OPLAH: variants seen among roughly 807,000 people sequenced by gnomAD.
The protein encoded by OPLAH is 5-oxoprolinase, ATP-hydrolysing.
OPLAH carries 103 observed loss-of-function variants against 122.8 expected under a neutral mutation model. The observed-to-expected ratio is 0.84, with a 90% CI of 0.71 to 0.99. The LOEUF is 0.99. Ranked by LOEUF, OPLAH falls within the 50% of genes least tolerant of loss-of-function variation. OPLAH has a pLI of 0.00. For missense variants in OPLAH, 1,902 were observed against 1,836.5 expected, an observed-to-expected ratio of 1.04 and a Z score of -0.65; for synonymous variants, 875 against 796.0, an observed-to-expected ratio of 1.10 and a Z score of -1.67.
rs1835468753 is a variant in OPLAH at position 144,054,805 on chromosome 8, C to T, written c.2511+7G>A. The T allele has an allele frequency of 9.9e-6, 16 of 1,612,118 alleles. No individual in the cohort carries two copies. The highest frequency in any genetic ancestry group is 1.3e-5 in the African/African-American group (1 of 75,014). ...CCCAGCAGAGGCAGGCGGGCAGCACCCCTCACCGGTGTGATAACAGTCAGG... is the reference window on the plus strand; with the variant it reads ...CCCAGCAGAGGCAGGCGGGCAGCACTCCTCACCGGTGTGATAACAGTCAGG... On this transcript the variant is annotated splice_region_variant and intron_variant, in intron 18 of 26. Coordinates refer to ENST00000618853, the MANE Select transcript of OPLAH (RefSeq NM_017570.5).
chr8:144,057,599 C>T lies in OPLAH; in HGVS notation c.1271G>A (p.Arg424His), dbSNP rs781812234. Residue 424 changes from arginine (R) to histidine (H), a missense_variant, in exon 10 of 27, where the codon CGC (arginine) becomes CAC (histidine). Physicochemically the swap from Arg to His is conservative, Grantham distance 29 (BLOSUM62 0). Transcript: ENST00000618853. Reference protein sequence around the residue: ...ENQPLSPEASRKALEAVATEV... With the variant: ...ENQPLSPEASHKALEAVATEV... ...AGTGGCCACAGCCTCCAGGGCTTTG[C>T]GGGAGGCCTCAGGGGAAAGTGGTTG... is the stretch of plus-strand genomic sequence containing the variant. 73 of 1,585,042 alleles carry T rather than the reference C, an allele frequency of 4.6e-5. No individual in the cohort carries two copies. Among genetic ancestry groups the T allele is most frequent in the Admixed American group, 8.9e-5 (5 of 56,370 alleles).
At chr8:144,059,215 C>G in intron 3 of OPLAH, 136 bp from the exon 4 acceptor site, 1 of 743,260 alleles carries the variant, frequency 1.3e-6, no homozygotes, top group Non-Finnish European at 2.2e-6. Flanking sequence ...TACCTGGCAG[C>G]CCCAGCAAGG....
chr8:144,059,506 T>C, intron 3 of OPLAH, 93 bp downstream of exon 3: 1 of 1,312,556 alleles, frequency 7.6e-7, no homozygotes, highest in Non-Finnish European at 1.0e-6. Flanking sequence ...CCATGAGCCA[T>C]CACTAATCCA....
Position 144,056,401 on chromosome 8 carries a change from G to C in OPLAH, c.1967C>G (p.Pro656Arg). The change falls in exon 14 of 27, where the codon CCT becomes CGT. Residue 656 changes from proline (P) to arginine (R), a missense_variant. Physicochemically the swap from Pro to Arg is moderately radical, Grantham distance 103. This residue lies in a region of OPLAH where 1,726 missense variants were observed against 1,642.1 expected (regional missense o/e 1.05). Transcript: ENST00000618853. ...ACCACCAACCTTGTCCACCCGGGGA[G>C]GCCCGGTCTGGGCTTTGGGGGCATC... ...LEDAPKAQTG[P>R]PRVDKMTQCY... The C allele has an allele frequency of 6.2e-7, 1 of 1,606,514 alleles. No individual in the cohort carries two copies. Among genetic ancestry groups the C allele is most frequent in the Non-Finnish European group, 8.5e-7 (1 of 1,177,188 alleles).
rs551382698 is a variant in OPLAH, at chr8:144,052,174, C to T, written c.3456G>A (p.Glu1152=). ...CCTCCGCGCACGCCGCTCACCGGCT[C>T]TCCAGGATCTCAGGGTCGGTGATGC... ...NTRITDPEIL[E]SRYPVILRRF... Residue 1152 remains glutamate (E), a synonymous_variant, in exon 24 of 27, where the codon GAG becomes GAA. Transcript: ENST00000618853. The T allele has an allele frequency of 6.0e-5, 94 of 1,571,662 alleles. 1 individual carries two copies. The South Asian group carries it at 1.0e-3, about 18-fold the overall frequency.
Position 144,057,903 on chromosome 8 carries a change from C to A in OPLAH, c.1109G>T (p.Gly370Val). 1 of 1,612,174 alleles carries A rather than the reference C, an allele frequency of 6.2e-7. No individual in the cohort carries two copies. Among genetic ancestry groups the A allele is most frequent in the Non-Finnish European group, 8.5e-7 (1 of 1,179,642 alleles). ...LFFRSGLFVVGPESAGAHPGP... is the reference protein window; with the variant it reads ...LFFRSGLFVVVPESAGAHPGP... ...TGGGTGGGCTCCTGCTGACTCGGGC[C>A]CAACCACAAAGAGGCCAGACCTAGG... The change falls in exon 9 of 27, where the codon GGG becomes GTG. Residue 370 changes from glycine to valine, a missense_variant. Physicochemically the swap from Gly to Val is moderately radical, Grantham distance 109. Around this residue, in one of 3 missense-constraint regions of OPLAH, gnomAD observed 1,726 missense variants for 1,642.1 expected, o/e 1.05. Coordinates refer to ENST00000618853, the MANE Select transcript of OPLAH (RefSeq NM_017570.5).
At chr8:144,050,409 G>A (rs575031970), downstream of OPLAH, 24 of 985,564 alleles carry the variant, frequency 2.4e-5, no homozygotes, top group Non-Finnish European at 2.9e-5. Flanking sequence ...GAGAGGTCGT[G>A]GCTTTCAGCG....
Position 144,052,465 on chromosome 8 carries a change from GC to G in OPLAH, c.3286del (p.Ala1096ProfsTer9). The G allele has an allele frequency of 6.5e-7, 1 of 1,544,094 alleles. No homozygotes were observed. The stretch of plus-strand genomic sequence containing the variant: ...CCCCCGCACCTGGGAGGCGGCGCAG[GC>G]CCCAAAGGCCCCCAGGATGACATCC... ...VVDVILGAFG[A>X]CAASQGCMNN... On this transcript the variant is annotated frameshift_variant, in exon 23 of 27. Transcript: ENST00000618853. LOFTEE classifies it high-confidence loss of function.
intron 10 of OPLAH, 35 bp from the exon 11 acceptor site, chr8:144,057,355 C>T (rs561629750): frequency 2.5e-6 from 4 of 1,592,488 alleles, no homozygotes; most frequent in Non-Finnish European, 3.4e-6. Flanking sequence ...GGCTCTCCTA[C>T]TCTACCCCAT....
upstream of OPLAH, among the ~76,000 whole-genome samples, chr8:144,062,178 G>A (rs1425246262): frequency 2.0e-5 from 3 of 152,100 alleles, no homozygotes; most frequent in Non-Finnish European, 4.4e-5. Flanking sequence ...CTCTCTTGGG[G>A]TCTGGATTGG....
chr8:144,055,145 T>C lies in OPLAH; in HGVS notation c.2293A>G (p.Ile765Val). ...CAGGAGAAGTCCAGACGCTCCTTGA[T>C]GTTGGTGGAGATGGCTGTGCGCTGC... ...ILQRTAISTN[I>V]KERLDFSCAL... Residue 765 changes from isoleucine (I) to valine (V), a missense_variant, in exon 17 of 27, where the codon ATC becomes GTC. Ile to Val is a conservative substitution (Grantham distance 29, BLOSUM62 3). Transcript: ENST00000618853. This position sits in a 1 kb window ranked among gnomAD's most constrained non-coding sequence, Gnocchi z 6.5. 1.9e-6 allele frequency: 3 copies of C among 1,580,620 alleles called. No individual in the cohort carries two copies. The South Asian group carries it at 3.5e-5, about 18-fold the overall frequency.
chr8:144,059,758 C>G lies in OPLAH; in HGVS notation c.204G>C (p.Pro68=). 1 of 1,609,160 alleles carries G rather than the reference C, an allele frequency of 6.2e-7. No homozygotes were observed. Among genetic ancestry groups the G allele is most frequent in the South Asian group, 1.1e-5 (1 of 91,038 alleles). The part of the protein sequence containing the change: ...EAGMLLPRDQ[P]LDSSHIASIR... ...TGCTGGCGATATGACTGGAGTCCAG[C>G]GGCTGGTCCCGGGGCAGGAGCATGC... The change falls in exon 3 of 27, where the codon CCG becomes CCC. Residue 68 remains proline, a synonymous_variant. Transcript: ENST00000618853.
rs1835430323 is a variant in OPLAH at position 144,053,147 on chromosome 8, C to A, written c.2872-18G>T. The A allele has an allele frequency of 1.9e-6, 3 of 1,607,274 alleles. No individual in the cohort carries two copies. The highest frequency in any genetic ancestry group is 2.5e-6 in the Non-Finnish European group (3 of 1,177,568). ...GCGTTTGCCTGGCAGGGAGCAGGAT[C>A]AGTGGTGGCCAGGTCACCTGCAGGA... is the stretch of plus-strand genomic sequence containing the variant. On this transcript the variant is annotated intron_variant, in intron 20 of 26. Transcript: ENST00000618853.
upstream of OPLAH, among the ~76,000 whole-genome samples, chr8:144,063,516 C>T (rs1213019365): frequency 6.6e-6 from 1 of 152,224 alleles, no homozygotes; most frequent in East Asian, 1.9e-4. The surrounding 1 kb of genome is among the most constrained non-coding windows in gnomAD (Gnocchi z 4.2). Context: ...GAAAGCCGCG[C>T]CCCAGCCTGG....
intron 24 of OPLAH, 26 bp downstream of exon 24, chr8:144,052,143 C>T (rs1554757829): frequency 6.4e-7 from 1 of 1,554,590 alleles, no homozygotes; most frequent in Non-Finnish European, 8.7e-7. Context: ...CCGGCCGTGC[C>T]CCCAGCCTCC....
At position 144,054,793 on chromosome 8, in the gene OPLAH, G is replaced by A. The variant is rs1554758549; in HGVS notation, c.2511+19C>T. On this transcript the variant is annotated intron_variant, in intron 18 of 26. Transcript: ENST00000618853. ...GGCCACCACTGCCCCAGCAGAGGCAGGCGGGCAGCACCCCTCACCGGTGTG... is the reference window on the plus strand; with the variant it reads ...GGCCACCACTGCCCCAGCAGAGGCAAGCGGGCAGCACCCCTCACCGGTGTG... 1.9e-6 allele frequency: 3 copies of A among 1,612,134 alleles called. No homozygotes were observed. Among genetic ancestry groups the A allele is most frequent in the Admixed American group, 1.7e-5 (1 of 60,002 alleles).
upstream of OPLAH, chr8:144,063,681 G>A (rs989331441): frequency 1.3e-5 from 2 of 152,492 alleles, no homozygotes; most frequent in Admixed American, 1.3e-4. This position sits in a 1 kb window ranked among gnomAD's most constrained non-coding sequence, Gnocchi z 4.2. Context: ...CAGAGTCTTG[G>A]GGCCCCGGTA....
Position 144,059,876 on chromosome 8 carries a change from G to A in OPLAH, c.157C>T (p.Arg53Cys), listed in dbSNP as rs200381383. The change falls in exon 2 of 27, where the codon CGC (arginine) becomes TGC (cysteine). Residue 53 changes from arginine (R) to cysteine (C), a missense_variant. Around this residue, in one of 3 missense-constraint regions of OPLAH, gnomAD observed 168 missense variants for 170.6 expected, o/e 0.98. Coordinates refer to ENST00000618853, the MANE Select transcript of OPLAH (RefSeq NM_017570.5). ...CCCTGGCCCACCTGCTCCAGGATGCGGCGGATGCCTTCGGTTGGCGCGTCC... is the reference window on the plus strand; with the variant it reads ...CCCTGGCCCACCTGCTCCAGGATGCAGCGGATGCCTTCGGTTGGCGCGTCC... ...YADAPTEGIR[R>C]ILEQEAGMLL... 2.5e-4 allele frequency: 404 copies of A among 1,612,748 alleles called. 2 individuals carry two copies. In the Middle Eastern group the frequency reaches 4.5e-3, roughly 18 times the overall value.
intron 23 of OPLAH, 61 bp from the exon 24 acceptor site, chr8:144,052,387 C>G: frequency 5.3e-6 from 8 of 1,517,468 alleles, no homozygotes; most frequent in South Asian, 2.5e-5. Context: ...CTCGCCCTCC[C>G]GCTCCTACTC....
Sources: allele counts gnomAD v4.1 joint callset (sites outside exome capture counted in the v4.1 genomes callset), GRCh38; gene constraint gnomAD v4.1.1; regional missense constraint gnomAD v4.1.1; non-coding constraint Gnocchi (gnomAD v3.1); transcripts MANE v1.5; gene names NCBI Gene and HGNC (gene_info 2026-07-23, HGNC 2026-07-21).